The following CSNK1G1 variants were observed in gnomAD, a reference collection of about 807,000 sequenced individuals.
The protein encoded by CSNK1G1 is casein kinase 1 gamma 1.
A neutral mutation model predicts 59.6 loss-of-function variants in CSNK1G1; 22 were observed. The observed-to-expected ratio is 0.37, with a 90% CI of 0.26 to 0.53. The LOEUF is 0.53. Among genes scored for constraint, CSNK1G1 ranks in the 20% least tolerant of loss-of-function variants. The pLI is 0.89. For synonymous variants in CSNK1G1, 179 were observed against 177.1 expected, an observed-to-expected ratio of 1.01 and a Z score of -0.08; for missense variants, 384 against 519.5, an observed-to-expected ratio of 0.74 and a Z score of 2.54.
intron 10 of CSNK1G1, among the ~76,000 whole-genome samples, chr15:64,186,116 A>AT (rs200498617): frequency 6.6e-5 from 10 of 150,844 alleles, no homozygotes; most frequent in East Asian, 5.8e-4. Context: ...CTTTCTTTTT[A>AT]TTTTTTTTGA....
intron 2 of CSNK1G1, 51 bp from the exon 3 acceptor site, chr15:64,259,292 A>G: frequency 7.3e-7 from 1 of 1,363,264 alleles, no homozygotes; most frequent in Non-Finnish European, 1.0e-6. Context: ...TTCTGGGAAA[A>G]GCAAAGCAAA....
rs1158194499 is a variant in CSNK1G1, at chr15:64,244,193, T to C, written c.292+7319A>G. 2.0e-5 allele frequency among the ~76,000 whole-genome samples: 3 copies of C among 151,374 alleles called. No individual in the cohort carries two copies. The South Asian group carries it at 6.3e-4, about 32-fold the overall frequency. ...CAAAAAATAAAAATAAAATAAGAAA[T>C]AAATAAATTAGTAGCATCTCTACAT... On this transcript the variant is annotated intron_variant, in intron 4 of 11. Transcript: ENST00000303052.
At chr15:64,263,429 C>T (rs972814569) in intron 2 of CSNK1G1, among the ~76,000 whole-genome samples, 1 of 151,870 alleles carries the variant, frequency 6.6e-6, no homozygotes, top group African/African-American at 2.4e-5. Flanking sequence ...CTTCATGATC[C>T]GCCTGCCTTG....
rs2081659841 is a variant in CSNK1G1 at position 64,171,164 on chromosome 15, T to G, written c.*767A>C. 1 of 152,542 alleles carries G rather than the reference T, an allele frequency of 6.6e-6. No individual in the cohort carries two copies. The highest frequency in any genetic ancestry group is 2.4e-5 in the African/African-American group (1 of 41,398). The allele number at this position is 152,542 out of a possible 1,614,324, so 9.4% of individuals were successfully genotyped here. On this transcript the variant is annotated 3_prime_UTR_variant, in exon 12 of 12. Coordinates refer to ENST00000303052, the MANE Select transcript of CSNK1G1 (RefSeq NM_022048.5). This position sits in a 1 kb window ranked among gnomAD's most constrained non-coding sequence, Gnocchi z 4.8. ...TCTGCCATGTTTTTGTTTTTGTTTT[T>G]TTTAAAAAAACTAAAAGTGCAACAA...
chr15:64,229,852 A>G (rs1426643400), intron 4 of CSNK1G1, among the ~76,000 whole-genome samples: 1 of 150,230 alleles, frequency 6.7e-6, no homozygotes, highest in Non-Finnish European at 1.5e-5. Flanking sequence ...ATAGGCATGC[A>G]ATACTACAAA....
chr15:64,221,193 T>C (rs75936524), intron 4 of CSNK1G1, among the ~76,000 whole-genome samples: 3,404 of 152,314 alleles, frequency 0.022, 117 homozygotes, highest in African/African-American at 0.079. Context: ...AATATCCTCT[T>C]TCTAAAGTAC....
At chr15:64,354,333 A>G (rs910137707) in intron 1 of CSNK1G1, among the ~76,000 whole-genome samples, 1 of 152,134 alleles carries the variant, frequency 6.6e-6, no homozygotes, top group Non-Finnish European at 1.5e-5. Context: ...ACAAAAAACA[A>G]GTACCTTCTA....
intron 7 of CSNK1G1, among the ~76,000 whole-genome samples, chr15:64,206,658 C>A (rs1195423504): frequency 6.8e-6 from 1 of 148,098 alleles, no homozygotes; most frequent in Non-Finnish European, 1.5e-5. Flanking sequence ...GGGTTAGAAG[C>A]TCACCATTTC....
At chr15:64,181,295 G>C (rs1236240891) in intron 10 of CSNK1G1, 12 of 1,535,986 alleles carry the variant, frequency 7.8e-6, no homozygotes, top group Non-Finnish European at 1.0e-5. Flanking sequence ...GACCCAATCA[G>C]GCTTCTCTTG....
intron 1 of CSNK1G1, among the ~76,000 whole-genome samples, chr15:64,352,418 A>G (rs905032761): frequency 1.3e-5 from 2 of 150,408 alleles, no homozygotes; most frequent in African/African-American, 4.9e-5. Flanking sequence ...AAAACTCTGT[A>G]ACTATCACAA....
chr15:64,245,173 T>C (rs1364473206), intron 4 of CSNK1G1, among the ~76,000 whole-genome samples: 1 of 152,120 alleles, frequency 6.6e-6, no homozygotes, highest in Non-Finnish European at 1.5e-5. Flanking sequence ...GGGGAAATGC[T>C]TCATGACATT....
Position 64,277,859 on chromosome 15 carries a change from GATATATTTAATAATAATA to G in CSNK1G1, c.182-18636_182-18619del, listed in dbSNP as rs1171382611. On this transcript the variant is annotated intron_variant, in intron 2 of 11. Coordinates refer to ENST00000303052, the MANE Select transcript of CSNK1G1 (RefSeq NM_022048.5). Reference sequence around the variant, plus strand: ...TATTGATATATTTAATAATAATATTGATATATTTAATAATAATATTGATATATTTAATATATTGATATT... The same window carrying G: ...TATTGATATATTTAATAATAATATTGTTGATATATTTAATATATTGATATT... Among the ~76,000 whole-genome samples, 7 of 132,860 alleles carry G rather than the reference GATATATTTAATAATAATA, an allele frequency of 5.3e-5. No individual in the cohort carries two copies. The East Asian group carries it at 8.2e-4, about 16-fold the overall frequency. The allele number at this position is 132,860 out of a possible 152,430, so 87.2% of individuals were successfully genotyped here.
Position 64,188,582 on chromosome 15 carries a change from G to A in CSNK1G1, c.1108-8128C>T, listed in dbSNP as rs2081928902. The A allele has an allele frequency of 4.4e-6, 4 of 903,662 alleles. No individual in the cohort carries two copies. Among genetic ancestry groups the A allele is most frequent in the Non-Finnish European group, 6.7e-6 (4 of 596,274 alleles). 56.0% of individuals were successfully genotyped at this position (903,662 alleles called of 1,614,324 possible). Reference sequence around the variant, plus strand: ...ATCAAGTACATTCGTGTCCCTGTAGGTTTTTCTTTCGGTTTTGGATTTTAA... The same window carrying A: ...ATCAAGTACATTCGTGTCCCTGTAGATTTTTCTTTCGGTTTTGGATTTTAA... On this transcript the variant is annotated intron_variant, in intron 10 of 11. Transcript: ENST00000303052. This position sits in a 1 kb window ranked among gnomAD's most constrained non-coding sequence, Gnocchi z 4.2.
intron 8 of CSNK1G1, 67 bp downstream of exon 8, chr15:64,204,798 T>A: frequency 8.4e-7 from 1 of 1,183,946 alleles, no homozygotes. Flanking sequence ...TATCTAGAGA[T>A]ACCCAGTCAT....
At chr15:64,179,301 A>G (rs888033948) in intron 11 of CSNK1G1, among the ~76,000 whole-genome samples, 4 of 152,178 alleles carry the variant, frequency 2.6e-5, no homozygotes, top group Admixed American at 6.5e-5. Context: ...GGCAGGAAAG[A>G]CAACAATACA....
chr15:64,294,587 G>A (rs897175967), intron 2 of CSNK1G1, among the ~76,000 whole-genome samples: 1 of 151,934 alleles, frequency 6.6e-6, no homozygotes, highest in Non-Finnish European at 1.5e-5. Context: ...ACTTTTTGCT[G>A]ATTACAAAAT....
rs1407393336 is a variant in CSNK1G1, at chr15:64,204,576, G to A, written c.864C>T (p.Thr288=). Reference sequence around the variant, plus strand: ...CCAGTCGCCTGACATATCGAAGGTAGGTTGCCATCTCCTCTGTTAGGAAAG... The same window carrying A: ...CCAGTCGCCTGACATATCGAAGGTAAGTTGCCATCTCCTCTGTTAGGAAAG... The part of the protein sequence containing the change: ...LCENFPEEMA[T]YLRYVRRLDF... The change falls in exon 9 of 12, where the codon ACC becomes ACT. Residue 288 remains threonine, a synonymous_variant. Coordinates refer to ENST00000303052, the MANE Select transcript of CSNK1G1 (RefSeq NM_022048.5). 2.5e-6 allele frequency: 4 copies of A among 1,613,350 alleles called. No homozygotes were observed. Among genetic ancestry groups the A allele is most frequent in the African/African-American group, 2.7e-5 (2 of 74,842 alleles).
chr15:64,262,894 C>T (rs1409975800), intron 2 of CSNK1G1, among the ~76,000 whole-genome samples: 1 of 151,958 alleles, frequency 6.6e-6, no homozygotes, highest in Non-Finnish European at 1.5e-5. Flanking sequence ...GCCTGACCAA[C>T]ATGGAGAAAC....
chr15:64,209,810 A>G (rs1030377213), intron 6 of CSNK1G1, among the ~76,000 whole-genome samples: 9 of 152,134 alleles, frequency 5.9e-5, no homozygotes, highest in Non-Finnish European at 1.2e-4. Context: ...TATCACACCT[A>G]CTCATTGCCT....
Sources: gnomAD v4.1 joint callset for allele counts (sites outside exome capture counted in the v4.1 genomes callset) on GRCh38, gnomAD v4.1.1 for gene constraint, Gnocchi (gnomAD v3.1) non-coding constraint, MANE v1.5 for transcripts, NCBI Gene and HGNC (gene_info 2026-07-23, HGNC 2026-07-21) for gene names.